The following ZNF783 variants were observed in gnomAD, a reference collection of about 807,000 sequenced individuals.
The protein encoded by ZNF783 is protein ZNF783.
A neutral mutation model predicts 31.3 loss-of-function variants in ZNF783; 25 were observed. The observed-to-expected ratio is 0.80, with a 90% CI of 0.58 to 1.11. The LOEUF (loss-of-function observed/expected upper bound fraction) is 1.11, where lower values mean the gene tolerates loss of function less well. Ranked by LOEUF, ZNF783 falls within the 50% of genes most tolerant of loss-of-function variation. ZNF783 has a pLI of 0.00. For synonymous variants in ZNF783, 369 were observed against 319.1 expected, an observed-to-expected ratio of 1.16 and a Z score of -1.66; for missense variants, 797 against 760.0, an observed-to-expected ratio of 1.05 and a Z score of -0.57.
At chr7:149,281,244 G>A (rs1797458418) in intron 5 of ZNF783, among the ~76,000 whole-genome samples, 1 of 152,234 alleles carries the variant, frequency 6.6e-6, no homozygotes, top group African/African-American at 2.4e-5. Context: ...CCTGGCTCCT[G>A]GCCTTGCAGT....
chr7:149,266,679 G>A lies in ZNF783; in HGVS notation c.369G>A (p.Arg123=), dbSNP rs372527891. 2.5e-6 allele frequency: 4 copies of A among 1,614,134 alleles called. No homozygotes were observed. The highest frequency in any genetic ancestry group is 1.3e-5 in the African/African-American group (1 of 75,032). The change falls in exon 2 of 6, where the codon AGG becomes AGA. Residue 123 remains arginine (R), a synonymous_variant. Transcript: ENST00000434415. ...LENVENLLRN[R]NFWILRLPPG... is the part of the protein sequence containing the mutation. Reference sequence around the variant, plus strand: ...ATGTGGAGAACTTGCTGCGCAACAGGAACTTCTGGATCTTGCGGCTGCCCC... The same window carrying A: ...ATGTGGAGAACTTGCTGCGCAACAGAAACTTCTGGATCTTGCGGCTGCCCC...
At chr7:149,274,020 G>T (rs1370225930) in intron 4 of ZNF783, among the ~76,000 whole-genome samples, 1 of 152,088 alleles carries the variant, frequency 6.6e-6, no homozygotes, top group African/African-American at 2.4e-5. Flanking sequence ...CGTTCTGTGG[G>T]GTGTCTTTTC....
chr7:149,280,119 C>T (rs1292856491), intron 5 of ZNF783, among the ~76,000 whole-genome samples: 59 of 102,158 alleles, frequency 5.8e-4, no homozygotes, highest in Admixed American at 1.0e-3. Context: ...ACCTCCCTCC[C>T]GGACAGGGCG....
Position 149,262,271 on chromosome 7 carries a change from C to T in ZNF783, c.-63C>T. On this transcript the variant is annotated 5_prime_UTR_variant, in exon 1 of 6. Coordinates refer to ENST00000434415, the MANE Select transcript of ZNF783 (RefSeq NM_001195220.2). The stretch of plus-strand genomic sequence containing the variant: ...CGCTCCGCTTCCGCCGTCGCTGCCG[C>T]GCCGCCCCGGGCCCGACAGGCCGGG... 1 of 1,311,876 alleles carries T rather than the reference C, an allele frequency of 7.6e-7. No individual in the cohort carries two copies. The highest frequency in any genetic ancestry group is 9.7e-7 in the Non-Finnish European group (1 of 1,026,588). 81.3% of individuals were successfully genotyped at this position (1,311,876 alleles called of 1,614,324 possible).
At chr7:149,266,759 A>G in intron 2 of ZNF783, 29 bp downstream of exon 2, 1 of 1,613,100 alleles carries the variant, frequency 6.2e-7, no homozygotes, top group Non-Finnish European at 8.5e-7. Context: ...GGGGTGGGGG[A>G]GCTCGAGGGG....
Position 149,281,579 on chromosome 7 carries a change from T to C in ZNF783, c.877T>C (p.Ser293Pro), listed in dbSNP as rs766271472. Residue 293 changes from serine (S) to proline (P), a missense_variant, in exon 6 of 6, where the codon TCC becomes CCC. Physicochemically the swap from Ser to Pro is moderately conservative, Grantham distance 74. Coordinates refer to ENST00000434415, the MANE Select transcript of ZNF783 (RefSeq NM_001195220.2). ...GCCTGAGCGGCTCTTTCTGGGGGTG[T>C]CCCGAGGCCAGACCGAGTGTAGAAT... ...MTPERLFLGV[S>P]RGQTECRIPR... is the part of the protein sequence containing the mutation. 6.6e-7 allele frequency: 1 copy of C among 1,512,870 alleles called. No individual in the cohort carries two copies. The highest frequency in any genetic ancestry group is 2.2e-5 in the Admixed American group (1 of 44,496). 93.7% of individuals were successfully genotyped at this position (1,512,870 alleles called of 1,614,324 possible).
chr7:149,282,309 C>G lies in ZNF783; in HGVS notation c.1607C>G (p.Pro536Arg). The change falls in exon 6 of 6, where the codon CCC becomes CGC. Residue 536 changes from proline to arginine, a missense_variant. Transcript: ENST00000434415. ...GCCCCCGCCCGCCACGGGAGCCTGC[C>G]CCTGCCCTGGCCCAGCCGGAAGGAG... ...PAAPARHGSL[P>R]LPWPSRKEEG The G allele has an allele frequency of 6.4e-7, 1 of 1,560,310 alleles. No individual in the cohort carries two copies. Among genetic ancestry groups the G allele is most frequent in the South Asian group, 1.2e-5 (1 of 85,746 alleles).
chr7:149,264,612 C>T (rs981470163), intron 1 of ZNF783, among the ~76,000 whole-genome samples: 4 of 152,162 alleles, frequency 2.6e-5, no homozygotes, highest in African/African-American at 4.8e-5. Flanking sequence ...CACTGACTCA[C>T]GCCTGTAATC....
At position 149,282,515 on chromosome 7, in the gene ZNF783, G is replaced by C. The variant is rs1351458096; in HGVS notation, c.*172G>C. On this transcript the variant is annotated 3_prime_UTR_variant, in exon 6 of 6. Coordinates refer to ENST00000434415, the MANE Select transcript of ZNF783 (RefSeq NM_001195220.2). The stretch of plus-strand genomic sequence containing the variant: ...ACCGGGTGCTTTCTGTTTCCTGTTT[G>C]CACTCTTCGCTGCCTTTTCTGCATT... The C allele has an allele frequency of 1.3e-5, 8 of 606,460 alleles. No homozygotes were observed. Among genetic ancestry groups the C allele is most frequent in the Non-Finnish European group, 1.9e-5 (7 of 361,294 alleles). The allele number at this position is 606,460 out of a possible 1,614,324, so 37.6% of individuals were successfully genotyped here.
chr7:149,264,862 G>GA (rs1395793132), intron 1 of ZNF783, among the ~76,000 whole-genome samples: 2 of 127,602 alleles, frequency 1.6e-5, no homozygotes, highest in Non-Finnish European at 3.1e-5. Flanking sequence ...GACAGAGCAA[G>GA]ACTCCGTCTC....
rs1009625497 is a variant in ZNF783 at position 149,266,918 on chromosome 7, G to T, written c.520G>T (p.Gly174Cys). ...GGAGCTCTACAAGCACGTGATGAGG[G>T]GCAACTACGAGACGCTGGTCTCCCT... ...QKELYKHVMR[G>C]NYETLVSLDY... is the part of the protein sequence containing the mutation. Residue 174 changes from glycine to cysteine, a missense_variant, in exon 3 of 6, where the codon GGC (glycine) becomes TGC (cysteine). Coordinates refer to ENST00000434415, the MANE Select transcript of ZNF783 (RefSeq NM_001195220.2). 1.9e-6 allele frequency: 3 copies of T among 1,613,978 alleles called. No individual in the cohort carries two copies. The highest frequency in any genetic ancestry group is 2.5e-6 in the Non-Finnish European group (3 of 1,180,028).
intron 1 of ZNF783, among the ~76,000 whole-genome samples, chr7:149,262,931 A>G (rs1796969080): frequency 6.7e-6 from 1 of 149,466 alleles, no homozygotes; most frequent in Non-Finnish European, 1.5e-5. Context: ...ATTTTATTTA[A>G]TTTTTTTTTT....
At chr7:149,269,933 T>A (rs1190416017) in intron 4 of ZNF783, among the ~76,000 whole-genome samples, 1 of 151,472 alleles carries the variant, frequency 6.6e-6, no homozygotes, top group Non-Finnish European at 1.5e-5. Flanking sequence ...TGGTTTTTTG[T>A]CCTTGCGATA....
chr7:149,266,623 G>A lies in ZNF783; in HGVS notation c.313G>A (p.Glu105Lys). The change falls in exon 2 of 6, where the codon GAG becomes AAG. Residue 105 changes from glutamate (E) to lysine (K), a missense_variant. Coordinates refer to ENST00000434415, the MANE Select transcript of ZNF783 (RefSeq NM_001195220.2). ...KWAVLGTLLQEYGLLQRRLEN... is the reference protein window; with the variant it reads ...KWAVLGTLLQKYGLLQRRLEN... ...GGCCGTGCTGGGGACCTTGCTGCAG[G>A]AGTACGGGCTGCTGCAGAGGCGGCT... The A allele has an allele frequency of 6.2e-7, 1 of 1,614,188 alleles. No individual in the cohort carries two copies. Among genetic ancestry groups the A allele is most frequent in the Non-Finnish European group, 8.5e-7 (1 of 1,180,044 alleles).
chr7:149,279,632 GTTTT>G (rs764203926), intron 5 of ZNF783, among the ~76,000 whole-genome samples: 9 of 100,326 alleles, frequency 9.0e-5, no homozygotes, highest in East Asian at 3.2e-4. Context: ...TTTTATCTTT[GTTTT>G]TTTTTTTTTT....
rs911871180 is a variant in ZNF783 at position 149,284,122 on chromosome 7, G to A, written c.*1779G>A. On this transcript the variant is annotated 3_prime_UTR_variant, in exon 6 of 6. Coordinates refer to ENST00000434415, the MANE Select transcript of ZNF783 (RefSeq NM_001195220.2). The stretch of plus-strand genomic sequence containing the variant: ...CTGGTGTCTCTCATCACACCACTGC[G>A]GACGCTGTCTGTAGAGCAGCCTTGG... The A allele has an allele frequency of 1.7e-4, 26 of 152,194 alleles. No individual in the cohort carries two copies. The highest frequency in any genetic ancestry group is 1.9e-4 in the East Asian group (1 of 5,198). 9.4% of individuals were successfully genotyped at this position (152,194 alleles called of 1,614,324 possible). A position where few individuals can be genotyped will look rare whatever the true frequency, so the allele number is the denominator to read the frequency against.
At chr7:149,280,127 G>A (rs1339233855) in intron 5 of ZNF783, among the ~76,000 whole-genome samples, 1 of 150,230 alleles carries the variant, frequency 6.7e-6, no homozygotes, top group South Asian at 2.1e-4. Context: ...CCCGGACAGG[G>A]CGGCTGGCCG....
chr7:149,265,509 C>T (rs868786255), intron 1 of ZNF783, among the ~76,000 whole-genome samples: 8 of 152,296 alleles, frequency 5.3e-5, no homozygotes, highest in African/African-American at 1.9e-4. Flanking sequence ...TGTATCCTCA[C>T]GTGGCATACA....
chr7:149,275,896 AT>A (rs1042418700), intron 4 of ZNF783: 28 of 152,232 alleles, frequency 1.8e-4, no homozygotes, highest in African/African-American at 6.3e-4. Context: ...TATTTAAAAA[AT>A]TATTCATAAT....
Sources: allele counts gnomAD v4.1 joint callset (sites outside exome capture counted in the v4.1 genomes callset), GRCh38; gene constraint gnomAD v4.1.1; transcripts MANE v1.5; gene names NCBI Gene and HGNC (gene_info 2026-07-23, HGNC 2026-07-21).